The following SLC11A1 variants were observed in gnomAD, a reference collection of about 807,000 sequenced individuals.
SLC11A1 encodes natural resistance-associated macrophage protein 1.
A neutral mutation model predicts 63.2 loss-of-function variants in SLC11A1; 59 were observed. The ratio of observed to expected loss-of-function variants is 0.93; its 90% confidence interval spans 0.76 to 1.16. The LOEUF (loss-of-function observed/expected upper bound fraction) is 1.16, where lower values mean the gene tolerates loss of function less well. Among genes scored for constraint, SLC11A1 ranks in the 50% most tolerant of loss-of-function variants. The pLI is 0.00. For missense variants in SLC11A1, 688 were observed against 730.7 expected, an observed-to-expected ratio of 0.94 and a Z score of 0.67; for synonymous variants, 305 against 307.8, an observed-to-expected ratio of 0.99 and a Z score of 0.09.
chr2:218,394,840 A>G (rs927205440), intron 14 of SLC11A1, 55 bp downstream of exon 14: 1 of 1,608,326 alleles, frequency 6.2e-7, no homozygotes, highest in Admixed American at 1.7e-5. Context: ...ACAAGAGGCA[A>G]CCAATGGGGA....
intron 9 of SLC11A1, among the ~76,000 whole-genome samples, chr2:218,390,634 G>A (rs1369150334): frequency 6.6e-6 from 1 of 152,146 alleles, no homozygotes; most frequent in Non-Finnish European, 1.5e-5. Flanking sequence ...CTGTGACCTT[G>A]GGAGGTCACA....
chr2:218,383,985 G>T, intron 2 of SLC11A1: 1 of 265,054 alleles, frequency 3.8e-6, no homozygotes. Context: ...GTCAGGGCTT[G>T]AGGGGCAGGC....
At chr2:218,387,331 C>T (rs1696158627) in intron 6 of SLC11A1, 101 bp downstream of exon 6, 1 of 1,179,206 alleles carries the variant, frequency 8.5e-7, no homozygotes, top group Non-Finnish European at 1.2e-6. Flanking sequence ...ACCTGAGCTC[C>T]CTCACTCTCC....
In SLC11A1 at chr2:218,384,545, G is replaced by T. The variant is rs914224419; in HGVS notation, c.273+180G>T. 20 of 447,652 alleles carry T rather than the reference G, an allele frequency of 4.5e-5. No homozygotes were observed. Among genetic ancestry groups the T allele is most frequent in the Non-Finnish European group, 7.5e-5 (19 of 251,790 alleles). The allele number at this position is 447,652 out of a possible 1,614,324, so 27.7% of individuals were successfully genotyped here. A position where few individuals can be genotyped will look rare whatever the true frequency, so the allele number is the denominator to read the frequency against. On this transcript the variant is annotated intron_variant, in intron 3 of 14. Coordinates refer to ENST00000233202, the MANE Select transcript of SLC11A1 (RefSeq NM_000578.4). This position sits in a 1 kb window ranked among gnomAD's most constrained non-coding sequence, Gnocchi z 4.0. ...AGAAGGTGGGGCATTTGTGTGGGGG[G>T]TAGGGGACTGGACTCCTCTCTTTAA...
rs184628372 is a variant in SLC11A1 at position 218,393,601 on chromosome 2, T to G, written c.1314+471T>G. Among the ~76,000 whole-genome samples, 4 of 151,318 alleles carry G rather than the reference T, an allele frequency of 2.6e-5. No individual in the cohort carries two copies. The South Asian group carries it at 8.4e-4, about 32-fold the overall frequency. On this transcript the variant is annotated intron_variant, in intron 12 of 14. Transcript: ENST00000233202. Reference sequence around the variant, plus strand: ...AAGCGATTCTTCTGCCTCAGCCTCCTAAGTAGCTGAGATTACAAGCGCCCA... The same window carrying G: ...AAGCGATTCTTCTGCCTCAGCCTCCGAAGTAGCTGAGATTACAAGCGCCCA...
intron 4 of SLC11A1, among the ~76,000 whole-genome samples, chr2:218,385,832 A>G (rs1696071921): frequency 6.6e-6 from 1 of 152,220 alleles, no homozygotes; most frequent in African/African-American, 2.4e-5. Flanking sequence ...ATGGGGAGGC[A>G]TCAGCTCAGG....
At chr2:218,391,618 G>C in intron 11 of SLC11A1, 123 bp downstream of exon 11, 1 of 1,219,116 alleles carries the variant, frequency 8.2e-7, no homozygotes, top group Non-Finnish European at 1.1e-6. Context: ...CTTTTTTTTT[G>C]TTTTTGTTTT....
Position 218,384,175 on chromosome 2 carries a change from G to A in SLC11A1, c.151-68G>A. On this transcript the variant is annotated intron_variant, in intron 2 of 14. Coordinates refer to ENST00000233202, the MANE Select transcript of SLC11A1 (RefSeq NM_000578.4). This position sits in a 1 kb window ranked among gnomAD's most constrained non-coding sequence, Gnocchi z 4.0. ...CCTGTTGGGGCTCCTCTAGGGGATGGCCAAGGCCAGCTGCCACCATCCCTA... is the reference window on the plus strand; with the variant it reads ...CCTGTTGGGGCTCCTCTAGGGGATGACCAAGGCCAGCTGCCACCATCCCTA... 3 of 1,490,660 alleles carry A rather than the reference G, an allele frequency of 2.0e-6. No individual in the cohort carries two copies. The highest frequency in any genetic ancestry group is 2.7e-6 in the Non-Finnish European group (3 of 1,105,752). The allele number at this position is 1,490,660 out of a possible 1,614,324, so 92.3% of individuals were successfully genotyped here.
At chr2:218,382,865 CT>C in intron 1 of SLC11A1, 94 bp from the exon 2 acceptor site, 2 of 1,536,380 alleles carry the variant, frequency 1.3e-6, no homozygotes, top group Non-Finnish European at 1.8e-6. Context: ...AGTTTCTCCA[CT>C]TTTCCGGGAG....
intron 13 of SLC11A1, 54 bp from the exon 14 acceptor site, chr2:218,394,578 T>C: frequency 1.3e-6 from 2 of 1,589,630 alleles, no homozygotes; most frequent in Non-Finnish European, 1.7e-6. Context: ...GAGGAGTTGA[T>C]GCAGGTGGGC....
intron 4 of SLC11A1, among the ~76,000 whole-genome samples, chr2:218,386,009 A>T (rs1373671952): frequency 2.0e-5 from 3 of 152,176 alleles, no homozygotes; most frequent in Non-Finnish European, 4.4e-5. Context: ...AAGATCAGAA[A>T]GCTGCTACAC....
intron 4 of SLC11A1, chr2:218,385,580 G>A: frequency 2.5e-6 from 1 of 405,350 alleles, no homozygotes; most frequent in Non-Finnish European, 4.9e-6. Context: ...TAGTAGAGCT[G>A]GGGTTTCACC....
At chr2:218,386,865 GC>G in intron 5 of SLC11A1, 124 bp downstream of exon 5, 1 of 747,802 alleles carries the variant, frequency 1.3e-6, no homozygotes, top group Non-Finnish European at 2.3e-6. Flanking sequence ...CAGGGCTGCT[GC>G]CCTGTTTTCC....
rs2106342698 is a variant in SLC11A1 at position 218,396,261 on chromosome 2, CG to C, written c.*1228del. The stretch of plus-strand genomic sequence containing the variant: ...GGGGAGCCCCCTCTGCCTTAGGGAG[CG>C]GCTGGGCACCCATTCGCCCCATTCA... On this transcript the variant is annotated 3_prime_UTR_variant, in exon 15 of 15. Coordinates refer to ENST00000233202, the MANE Select transcript of SLC11A1 (RefSeq NM_000578.4). 6.6e-6 allele frequency: 1 copy of C among 152,470 alleles called. No individual in the cohort carries two copies. Among genetic ancestry groups the C allele is most frequent in the East Asian group, 1.9e-4 (1 of 5,240 alleles). 9.4% of individuals were successfully genotyped at this position (152,470 alleles called of 1,614,324 possible). A position where few individuals can be genotyped will look rare whatever the true frequency, so the allele number is the denominator to read the frequency against.
In SLC11A1 at chr2:218,385,286, A is replaced by G. The variant is rs767022816; in HGVS notation, c.393+20A>G. On this transcript the variant is annotated intron_variant, in intron 4 of 14. Coordinates refer to ENST00000233202, the MANE Select transcript of SLC11A1 (RefSeq NM_000578.4). ...CCTAAGGTGAGCTTGGGGGGCCTGG[A>G]CAGGGAGAACCACTGGCCCCAAACC... 1 of 1,613,674 alleles carries G rather than the reference A, an allele frequency of 6.2e-7. No homozygotes were observed. The highest frequency in any genetic ancestry group is 8.5e-7 in the Non-Finnish European group (1 of 1,179,646).
Position 218,396,866 on chromosome 2 carries a change from C to T in SLC11A1, c.*1831C>T, listed in dbSNP as rs922465019. On this transcript the variant is annotated 3_prime_UTR_variant, in exon 15 of 15. Coordinates refer to ENST00000233202, the MANE Select transcript of SLC11A1 (RefSeq NM_000578.4). ...TACAAGTTGGGGAGGGCGGCAAAGT[C>T]CCGAATTAAAGATGTCAGTTCTCAA... 1.3e-5 allele frequency: 2 copies of T among 152,508 alleles called. No individual in the cohort carries two copies. The highest frequency in any genetic ancestry group is 4.8e-5 in the African/African-American group (2 of 41,452). 9.4% of individuals were successfully genotyped at this position (152,508 alleles called of 1,614,324 possible).
At position 218,387,485 on chromosome 2, in the gene SLC11A1, C is replaced by G. The variant is rs3731863; in HGVS notation, c.572-80C>G. The G allele has an allele frequency of 1.1e-5, 15 of 1,427,166 alleles. No homozygotes were observed. In the Admixed American group the frequency reaches 2.3e-4, roughly 22 times the overall value. 88.4% of individuals were successfully genotyped at this position (1,427,166 alleles called of 1,614,324 possible). A position where few individuals can be genotyped will look rare whatever the true frequency, so the allele number is the denominator to read the frequency against. ...ACTTGGCACTGTGCCTAGAAGCGCTCGTAGTATTAGCCATTACGAATTGTT... is the reference window on the plus strand; with the variant it reads ...ACTTGGCACTGTGCCTAGAAGCGCTGGTAGTATTAGCCATTACGAATTGTT... On this transcript the variant is annotated intron_variant, in intron 6 of 14. Coordinates refer to ENST00000233202, the MANE Select transcript of SLC11A1 (RefSeq NM_000578.4).
rs376031430 is a variant in SLC11A1, at chr2:218,391,313, G to A, written c.1044+26G>A. ...GTGAGCGCGGGTGGGTGGGGAGGGC[G>A]TGACCCAGAGAGGCTCCCCGCCTCG... On this transcript the variant is annotated intron_variant, in intron 10 of 14. Coordinates refer to ENST00000233202, the MANE Select transcript of SLC11A1 (RefSeq NM_000578.4). 46 of 1,613,954 alleles carry A rather than the reference G, an allele frequency of 2.9e-5. No homozygotes were observed. In the African/African-American group the frequency reaches 3.6e-4, roughly 13 times the overall value.
chr2:218,395,289 GGGAC>G lies in SLC11A1; in HGVS notation c.*255_*258del. 1 of 473,704 alleles carries G rather than the reference GGGAC, an allele frequency of 2.1e-6. No individual in the cohort carries two copies. Among genetic ancestry groups the G allele is most frequent in the Non-Finnish European group, 3.8e-6 (1 of 266,310 alleles). The allele number at this position is 473,704 out of a possible 1,614,324, so 29.3% of individuals were successfully genotyped here. A position where few individuals can be genotyped will look rare whatever the true frequency, so the allele number is the denominator to read the frequency against. On this transcript the variant is annotated 3_prime_UTR_variant, in exon 15 of 15. Transcript: ENST00000233202. ...CACTTTAACACAGTGTCTGGCACTT[GGGAC>G]AAAAACAAACAAACGAAAAACATTT... is the stretch of plus-strand genomic sequence containing the variant.
Sources: allele counts gnomAD v4.1 joint callset (sites outside exome capture counted in the v4.1 genomes callset), GRCh38; gene constraint gnomAD v4.1.1; non-coding constraint Gnocchi (gnomAD v3.1); transcripts MANE v1.5; gene names NCBI Gene and HGNC (gene_info 2026-07-23, HGNC 2026-07-21).